The following TGFB2 variants were observed in gnomAD, a reference collection of about 807,000 sequenced individuals.
The protein encoded by TGFB2 is transforming growth factor beta-2 proprotein.
A neutral mutation model predicts 42.7 loss-of-function variants in TGFB2; 13 were observed. The ratio of observed to expected loss-of-function variants is 0.30; its 90% CI spans 0.20 to 0.48. The LOEUF is 0.48. Among genes scored for constraint, TGFB2 ranks in the 20% least tolerant of loss-of-function variants. The pLI, the probability that TGFB2 is intolerant of heterozygous loss-of-function variation, is 0.99. For missense variants in TGFB2, 390 were observed against 517.5 expected (o/e 0.75, Z 2.39); for synonymous variants, 193 against 193.6 (o/e 1.00, Z 0.03).
At chr1:218,370,610 A>G (rs1422006270) in intron 1 of TGFB2, among the ~76,000 whole-genome samples, 3 of 152,222 alleles carry the variant, frequency 2.0e-5, no homozygotes, top group Non-Finnish European at 4.4e-5. Flanking sequence ...TTATAAGCTC[A>G]GGGTCACTGT....
At chr1:218,408,124 G>A (rs1457892075) in intron 2 of TGFB2, among the ~76,000 whole-genome samples, 1 of 152,288 alleles carries the variant, frequency 6.6e-6, no homozygotes, top group South Asian at 2.1e-4. Flanking sequence ...TGGAGGCAGG[G>A]TCACCTAGGT....
At chr1:218,424,842 G>C (rs916120672) in intron 2 of TGFB2, among the ~76,000 whole-genome samples, 1 of 152,204 alleles carries the variant, frequency 6.6e-6, no homozygotes, top group African/African-American at 2.4e-5. Flanking sequence ...CCAGAACAAG[G>C]GAAGCAATAG....
intron 1 of TGFB2, among the ~76,000 whole-genome samples, chr1:218,370,711 T>C (rs552985925): frequency 2.6e-5 from 4 of 152,360 alleles, no homozygotes; most frequent in African/African-American, 9.6e-5. Flanking sequence ...GCTGTGGCTC[T>C]GTTCCATGAG....
chr1:218,347,600 C>G (rs972234529), intron 1 of TGFB2, among the ~76,000 whole-genome samples: 1 of 152,158 alleles, frequency 6.6e-6, no homozygotes, highest in Non-Finnish European at 1.5e-5. Flanking sequence ...GAGACAAAAC[C>G]CGGTTTGGAG....
At chr1:218,369,030 G>A (rs974265732) in intron 1 of TGFB2, among the ~76,000 whole-genome samples, 25 of 151,952 alleles carry the variant, frequency 1.6e-4, no homozygotes, top group African/African-American at 5.8e-4. Context: ...GCCGAGGCGG[G>A]TGGATCACAA....
chr1:218,405,184 C>G lies in TGFB2; in HGVS notation c.362C>G (p.Thr121Ser), dbSNP rs1300823855. ...TTTTTTACAGATGCCATCCCGCCCACTTTCTACAGACCCTACTTCAGAATT... is the reference window on the plus strand; with the variant it reads ...TTTTTTACAGATGCCATCCCGCCCAGTTTCTACAGACCCTACTTCAGAATT... Reference protein sequence around the residue: ...FFPSENAIPPTFYRPYFRIVR... With the variant: ...FFPSENAIPPSFYRPYFRIVR... Residue 121 changes from threonine to serine, a missense_variant, in exon 2 of 7, where the codon ACT (threonine) becomes AGT (serine). Physicochemically the swap from Thr to Ser is moderately conservative, Grantham distance 58. Transcript: ENST00000366930. The G allele has an allele frequency of 1.1e-5, 18 of 1,590,682 alleles. No homozygotes were observed. Among genetic ancestry groups the G allele is most frequent in the African/African-American group, 1.3e-5 (1 of 74,126 alleles).
intron 5 of TGFB2, among the ~76,000 whole-genome samples, chr1:218,437,085 T>A (rs901780941): frequency 1.7e-4 from 26 of 152,188 alleles, no homozygotes; most frequent in Non-Finnish European, 5.9e-5. Context: ...ATTTTCCAGG[T>A]CACAGACAAG....
At chr1:218,363,485 C>G in intron 1 of TGFB2, 5 of 1,488,322 alleles carry the variant, frequency 3.4e-6, no homozygotes, top group Middle Eastern at 3.7e-4. Flanking sequence ...TAGTGTTTGT[C>G]TCCTGTGGGG....
chr1:218,402,059 A>G (rs1658740020), intron 1 of TGFB2, among the ~76,000 whole-genome samples: 1 of 152,198 alleles, frequency 6.6e-6, no homozygotes, highest in East Asian at 1.9e-4. Flanking sequence ...TGGAAGGGGT[A>G]GTTGGTTCTT....
chr1:218,357,782 G>A (rs1181654913), intron 1 of TGFB2, among the ~76,000 whole-genome samples: 1 of 152,166 alleles, frequency 6.6e-6, no homozygotes, highest in Non-Finnish European at 1.5e-5. Context: ...CCGTCCCTCA[G>A]GCCTTCCAAG....
At chr1:218,432,335 T>C (rs1659833086) in intron 2 of TGFB2, among the ~76,000 whole-genome samples, 1 of 152,200 alleles carries the variant, frequency 6.6e-6, no homozygotes, top group South Asian at 2.1e-4. Flanking sequence ...TTCTTACCTA[T>C]CATAGAGCCA....
chr1:218,432,502 C>T (rs552771454), intron 2 of TGFB2, among the ~76,000 whole-genome samples: 1 of 152,212 alleles, frequency 6.6e-6, no homozygotes, highest in African/African-American at 2.4e-5. Flanking sequence ...AAAAAGTCTA[C>T]CATTATGGCA....
At chr1:218,416,914 A>G (rs1375854651) in intron 2 of TGFB2, among the ~76,000 whole-genome samples, 1 of 152,174 alleles carries the variant, frequency 6.6e-6, no homozygotes, top group Non-Finnish European at 1.5e-5. Context: ...GTCTGCCACC[A>G]TGTGAGATGT....
intron 1 of TGFB2, among the ~76,000 whole-genome samples, chr1:218,400,217 C>CAA (rs558189521): frequency 1.4e-5 from 2 of 140,416 alleles, no homozygotes; most frequent in African/African-American, 5.2e-5. Context: ...GTCTCTTGTT[C>CAA]AAAAAAAAAA....
intron 1 of TGFB2, among the ~76,000 whole-genome samples, chr1:218,362,450 A>G (rs1433752607): frequency 6.6e-6 from 1 of 152,150 alleles, no homozygotes; most frequent in African/African-American, 2.4e-5. Flanking sequence ...TCTCATTTCA[A>G]TTTTATAAAA....
intron 1 of TGFB2, among the ~76,000 whole-genome samples, chr1:218,386,274 C>T (rs1220021221): frequency 6.6e-6 from 1 of 152,170 alleles, no homozygotes; most frequent in Non-Finnish European, 1.5e-5. Context: ...CTGCTGGAAA[C>T]CTCAGTCTCT....
rs369493144 is a variant in TGFB2 at position 218,441,701 on chromosome 1, A to C, written c.*339A>C. On this transcript the variant is annotated 3_prime_UTR_variant, in exon 7 of 7. Transcript: ENST00000366930. Reference sequence around the variant, plus strand: ...GAACAACGACAACAACAACAACAACAACAAACAGGAAAATCCCATTAAGTG... The same window carrying C: ...GAACAACGACAACAACAACAACAACCACAAACAGGAAAATCCCATTAAGTG... The C allele has an allele frequency of 5.3e-6, 1 of 189,034 alleles. No homozygotes were observed. The highest frequency in any genetic ancestry group is 2.4e-5 in the African/African-American group (1 of 42,040). The allele number at this position is 189,034 out of a possible 1,614,324, so 11.7% of individuals were successfully genotyped here.
In TGFB2 at chr1:218,345,481, G is replaced by C. The variant is rs1261097892; in HGVS notation, c.-1221G>C. The C allele has an allele frequency of 6.5e-6, 1 of 153,036 alleles. No individual in the cohort carries two copies. Among genetic ancestry groups the C allele is most frequent in the Non-Finnish European group, 1.5e-5 (1 of 68,710 alleles). 9.5% of individuals were successfully genotyped at this position (153,036 alleles called of 1,614,324 possible). A position where few individuals can be genotyped will look rare whatever the true frequency, so the allele number is the denominator to read the frequency against. ...AGCGCAAGTGAAAGAGGCAGGGGAG[G>C]GGGATGGAGAATATTAGCCTGACGG... On this transcript the variant is annotated 5_prime_UTR_variant, in exon 1 of 7. Coordinates refer to ENST00000366930, the MANE Select transcript of TGFB2 (RefSeq NM_003238.6).
intron 1 of TGFB2, among the ~76,000 whole-genome samples, chr1:218,375,612 A>G (rs1052405089): frequency 1.3e-5 from 2 of 152,246 alleles, no homozygotes; most frequent in African/African-American, 2.4e-5. Context: ...TCTGAAAACC[A>G]TAGAAAAACT....
Sources: allele counts gnomAD v4.1 joint callset (sites outside exome capture counted in the v4.1 genomes callset), GRCh38; gene constraint gnomAD v4.1.1; transcripts MANE v1.5; gene names NCBI Gene and HGNC (gene_info 2026-07-23, HGNC 2026-07-21).